WNK1: variants seen among roughly 807,000 people sequenced by gnomAD.
The protein encoded by WNK1 is serine/threonine-protein kinase WNK1.
Under a neutral mutation model 222.8 loss-of-function variants are expected in WNK1, and 38 were observed. The ratio of observed to expected loss-of-function variants is 0.17; its 90% CI spans 0.13 to 0.22. The LOEUF (loss-of-function observed/expected upper bound fraction) is 0.22, where lower values mean the gene tolerates loss of function less well. WNK1 is among the 10% of genes least tolerant of loss of function. The pLI, the probability that WNK1 is intolerant of heterozygous loss-of-function variation, is 1.00. For missense variants in WNK1, 2,348 were observed against 2,918.4 expected (o/e 0.80, Z 4.50); for synonymous variants, 1,090 against 1,092.9 (o/e 1.00, Z 0.05).
intron 1 of WNK1, among the ~76,000 whole-genome samples, chr12:777,349 A>G (rs542480212): frequency 7.6e-4 from 116 of 151,828 alleles, no homozygotes; most frequent in African/African-American, 2.7e-3. Context: ...TAGTAGAGAC[A>G]GGGTTTCACC....
At chr12:865,617 C>T (rs1565543209) in intron 8 of WNK1, among the ~76,000 whole-genome samples, 1 of 152,044 alleles carries the variant, frequency 6.6e-6, no homozygotes, top group African/African-American at 2.4e-5. Context: ...TAAAATTTAC[C>T]TTTCATTATA....
At chr12:862,047 C>T (rs375882105) in intron 7 of WNK1, 36 bp from the exon 8 acceptor site, 3 of 1,612,398 alleles carry the variant, frequency 1.9e-6, no homozygotes, top group Non-Finnish European at 2.5e-6. Context: ...TTGTCTTTCT[C>T]TCTCTCTTTT....
Position 827,361 on chromosome 12 carries a change from G to A in WNK1, c.1153+99G>A. ...GAGTTTTAAGTGATATAAACCTTAAGAAATTCATAGCTTGAACTCAGGAGG... is the reference window on the plus strand; with the variant it reads ...GAGTTTTAAGTGATATAAACCTTAAAAAATTCATAGCTTGAACTCAGGAGG... On this transcript the variant is annotated intron_variant, in intron 3 of 27. Coordinates refer to ENST00000315939, the MANE Select transcript of WNK1 (RefSeq NM_018979.4). This position sits in a 1 kb window ranked among gnomAD's most constrained non-coding sequence, Gnocchi z 4.6. 9.5e-7 allele frequency: 1 copy of A among 1,054,950 alleles called. No homozygotes were observed. The highest frequency in any genetic ancestry group is 1.9e-5 in the Admixed American group (1 of 54,004). The allele number at this position is 1,054,950 out of a possible 1,614,324, so 65.3% of individuals were successfully genotyped here.
At position 897,534 on chromosome 12, in the gene WNK1, T is replaced by C; in HGVS notation, c.6301T>C (p.Leu2101=). 1 of 1,613,608 alleles carries C rather than the reference T, an allele frequency of 6.2e-7. No individual in the cohort carries two copies. The highest frequency in any genetic ancestry group is 8.5e-7 in the Non-Finnish European group (1 of 1,179,490). Residue 2101 remains leucine, a synonymous_variant, in exon 25 of 28, where the codon TTG becomes CTG. Transcript: ENST00000315939. ...TCGCCAGAAGCATGAAATTGAATCT[T>C]TGTATACCAAACTGGGCAAGGTGCC... ...QSRQKHEIES[L]YTKLGKVPPA... is the part of the protein sequence containing the mutation.
At chr12:864,110 G>A (rs1016702270) in intron 8 of WNK1, among the ~76,000 whole-genome samples, 2 of 124,578 alleles carry the variant, frequency 1.6e-5, no homozygotes, top group Admixed American at 7.8e-5. Context: ...ATTTTTTTAA[G>A]TTTTTTTTTT....
intron 22 of WNK1, among the ~76,000 whole-genome samples, 174 bp downstream of exon 22, chr12:890,687 T>G (rs1175002851): frequency 1.3e-5 from 2 of 152,198 alleles, no homozygotes; most frequent in East Asian, 3.8e-4. Context: ...CCGTTATTAT[T>G]TGTCAGAGGA....
At chr12:761,167 C>T (rs1160652070) in intron 1 of WNK1, among the ~76,000 whole-genome samples, 1 of 147,612 alleles carries the variant, frequency 6.8e-6, no homozygotes, top group East Asian at 1.9e-4. Context: ...TTGTGGCCAA[C>T]TTAATTGATC....
chr12:817,891 G>A (rs1022521631), intron 2 of WNK1, among the ~76,000 whole-genome samples: 13 of 152,156 alleles, frequency 8.5e-5, no homozygotes, highest in African/African-American at 3.1e-4. Flanking sequence ...AGTGGAGGTT[G>A]CAGTGAGCCG....
intron 27 of WNK1, 47 bp downstream of exon 27, chr12:908,081 C>A: frequency 1.2e-6 from 2 of 1,601,784 alleles, no homozygotes; most frequent in South Asian, 2.2e-5. Context: ...ACATCTGAGT[C>A]AAGGTGATAG....
chr12:804,429 T>C (rs1946160208), intron 1 of WNK1, among the ~76,000 whole-genome samples: 1 of 148,244 alleles, frequency 6.7e-6, no homozygotes, highest in African/African-American at 2.4e-5. Context: ...TTTTTTTTTT[T>C]TGGCGCGATC....
rs1396985179 is a variant in WNK1, at chr12:909,407, G to C, written c.*615G>C. On this transcript the variant is annotated 3_prime_UTR_variant, in exon 28 of 28. Transcript: ENST00000315939. Reference sequence around the variant, plus strand: ...GCTTTGACTGCAGCATTAGCAATTAGGAAAAAAAAAAAATTAAGTTCCCTG... The same window carrying C: ...GCTTTGACTGCAGCATTAGCAATTACGAAAAAAAAAAAATTAAGTTCCCTG... 2.0e-5 allele frequency: 3 copies of C among 150,154 alleles called. No individual in the cohort carries two copies. The highest frequency in any genetic ancestry group is 6.6e-5 in the Admixed American group (1 of 15,156). 9.3% of individuals were successfully genotyped at this position (150,154 alleles called of 1,614,324 possible).
chr12:893,681 G>A (rs893923702), intron 22 of WNK1, among the ~76,000 whole-genome samples: 2 of 151,842 alleles, frequency 1.3e-5, no homozygotes, highest in Non-Finnish European at 2.9e-5. Context: ...AAATTAGTCG[G>A]GTGTGGTGGT....
intron 4 of WNK1, among the ~76,000 whole-genome samples, chr12:840,355 C>G (rs973965596): frequency 9.0e-5 from 13 of 144,160 alleles, no homozygotes; most frequent in Admixed American, 7.8e-4. Flanking sequence ...TGGTCTCAAA[C>G]TCCTGGCCTC....
In WNK1 at chr12:909,088, T is replaced by C. The variant is rs1197760956; in HGVS notation, c.*296T>C. 6 of 392,464 alleles carry C rather than the reference T, an allele frequency of 1.5e-5. No individual in the cohort carries two copies. The highest frequency in any genetic ancestry group is 2.8e-5 in the Non-Finnish European group (6 of 211,092). 24.3% of individuals were successfully genotyped at this position (392,464 alleles called of 1,614,324 possible). A position where few individuals can be genotyped will look rare whatever the true frequency, so the allele number is the denominator to read the frequency against. ...ATGAGGATGAGGGCTAGGAAAGTCTTGTTCATAAGGAAGCTGGAGAACTCA... is the reference window on the plus strand; with the variant it reads ...ATGAGGATGAGGGCTAGGAAAGTCTCGTTCATAAGGAAGCTGGAGAACTCA... On this transcript the variant is annotated 3_prime_UTR_variant, in exon 28 of 28. Coordinates refer to ENST00000315939, the MANE Select transcript of WNK1 (RefSeq NM_018979.4).
At chr12:845,721 A>T (rs1237988926) in intron 4 of WNK1, among the ~76,000 whole-genome samples, 1 of 152,196 alleles carries the variant, frequency 6.6e-6, no homozygotes, top group Non-Finnish European at 1.5e-5. Flanking sequence ...CACCATTATC[A>T]TCAACATCAT....
intron 1 of WNK1, among the ~76,000 whole-genome samples, chr12:797,135 G>A (rs1945388885): frequency 6.6e-6 from 1 of 152,058 alleles, no homozygotes; most frequent in South Asian, 2.1e-4. Flanking sequence ...TCATATTCAT[G>A]AAAATAAATA....
intron 9 of WNK1, among the ~76,000 whole-genome samples, chr12:876,336 G>T (rs2154077786): frequency 6.6e-6 from 1 of 152,258 alleles, no homozygotes; most frequent in South Asian, 2.1e-4. Flanking sequence ...ATGAACCTGG[G>T]AGGCGGAACT....
rs556896734 is a variant in WNK1, at chr12:826,398, G to T, written c.933-644G>T. 1.1e-3 allele frequency among the ~76,000 whole-genome samples: 174 copies of T among 152,284 alleles called. 1 individual carries two copies. The highest frequency in any genetic ancestry group is 3.1e-3 in the South Asian group (15 of 4,828). On this transcript the variant is annotated intron_variant, in intron 2 of 27. Coordinates refer to ENST00000315939, the MANE Select transcript of WNK1 (RefSeq NM_018979.4). The stretch of plus-strand genomic sequence containing the variant: ...CATTCCAAACTCAGTCGCCATTTCT[G>T]TCTGGGGTTTAGCAGACCTGCAGAA...
In WNK1 at chr12:907,859, C is replaced by A; in HGVS notation, c.6656C>A (p.Thr2219Lys). 1 of 1,613,784 alleles carries A rather than the reference C, an allele frequency of 6.2e-7. No individual in the cohort carries two copies. Among genetic ancestry groups the A allele is most frequent in the Non-Finnish European group, 8.5e-7 (1 of 1,180,024 alleles). ...LSAPGQGTSS[T>K]NTVGATVNSQ... Reference sequence around the variant, plus strand: ...TTGCTTATAATAGGAACCAGCAGCACAAACACTGTTGGGGCAACAGTGAAC... The same window carrying A: ...TTGCTTATAATAGGAACCAGCAGCAAAAACACTGTTGGGGCAACAGTGAAC... Residue 2219 changes from threonine (T) to lysine (K), a missense_variant, in exon 27 of 28, where the codon ACA (threonine) becomes AAA (lysine). Thr to Lys is a moderately conservative substitution (Grantham distance 78). This residue lies in a region of WNK1 where 1,144 missense variants were observed against 1,273.6 expected (regional missense o/e 0.90). Transcript: ENST00000315939.
Sources: gnomAD v4.1 joint callset for allele counts (sites outside exome capture counted in the v4.1 genomes callset) on GRCh38, gnomAD v4.1.1 for gene constraint, gnomAD v4.1.1 regional missense constraint, Gnocchi (gnomAD v3.1) non-coding constraint, MANE v1.5 for transcripts, NCBI Gene and HGNC (gene_info 2026-07-23, HGNC 2026-07-21) for gene names.